TBC1D32: variants seen among roughly 807,000 people sequenced by gnomAD.
The protein encoded by TBC1D32 is TBC1 domain family member 32.
Under a neutral mutation model 170.3 loss-of-function variants are expected in TBC1D32, and 151 were observed. That is an observed-to-expected ratio of 0.89 (90% CI 0.78 to 1.01). The LOEUF is 1.01. Among genes scored for constraint, TBC1D32 ranks in the 50% least tolerant of loss-of-function variants. The probability of loss-of-function intolerance (pLI) is 0.00; values close to 1 mark genes in which losing one functional copy is unlikely to be tolerated. For synonymous variants in TBC1D32, 498 were observed against 488.0 expected (o/e 1.02, Z -0.27); for missense variants, 1,464 against 1,457.1 (o/e 1.00, Z -0.08).
intron 22 of TBC1D32, among the ~76,000 whole-genome samples, chr6:121,204,638 A>T (rs924176876): frequency 1.3e-5 from 2 of 151,422 alleles, no homozygotes; most frequent in Non-Finnish European, 2.9e-5. Flanking sequence ...AACTAGAAAG[A>T]TTTAAACTTC....
At chr6:121,293,660 C>T (rs1295791991) in intron 11 of TBC1D32, among the ~76,000 whole-genome samples, 1 of 152,016 alleles carries the variant, frequency 6.6e-6, no homozygotes, top group Non-Finnish European at 1.5e-5. Flanking sequence ...GCCTGTAATC[C>T]CAGTGCTTTG....
chr6:121,328,142 T>C (rs1440564537), intron 1 of TBC1D32, among the ~76,000 whole-genome samples: 1 of 152,198 alleles, frequency 6.6e-6, no homozygotes, highest in Non-Finnish European at 1.5e-5. Flanking sequence ...ATCGAGACTA[T>C]AATAGGAATA....
chr6:121,280,448 C>A (rs2128443781), intron 14 of TBC1D32, among the ~76,000 whole-genome samples: 1 of 151,750 alleles, frequency 6.6e-6, no homozygotes, highest in Non-Finnish European at 1.5e-5. Flanking sequence ...CCACTATGTG[C>A]CAGAGGGCTA....
At chr6:121,096,219 T>C (rs1777389304) in intron 30 of TBC1D32, 1 of 152,158 alleles carries the variant, frequency 6.6e-6, no homozygotes, top group Non-Finnish European at 1.5e-5. Flanking sequence ...TTTATTTGTG[T>C]AGAGGTGTTT....
intron 15 of TBC1D32, among the ~76,000 whole-genome samples, chr6:121,275,735 C>T (rs563714160): frequency 1.3e-5 from 2 of 152,182 alleles, no homozygotes; most frequent in Non-Finnish European, 1.5e-5. Context: ...GCCCTCTGAC[C>T]CAGCAATATC....
intron 22 of TBC1D32, among the ~76,000 whole-genome samples, chr6:121,161,876 T>A (rs1202345239): frequency 6.6e-6 from 1 of 152,250 alleles, no homozygotes; most frequent in Non-Finnish European, 1.5e-5. Flanking sequence ...ATAGCCATTC[T>A]GACTGGTGCG....
chr6:121,247,796 A>G (rs1275229904), intron 17 of TBC1D32, among the ~76,000 whole-genome samples: 4 of 151,770 alleles, frequency 2.6e-5, no homozygotes, highest in Non-Finnish European at 5.9e-5. Context: ...TGCACCTAAC[A>G]CTGGAGCTCC....
At chr6:121,279,622 T>A (rs1232770573) in intron 14 of TBC1D32, among the ~76,000 whole-genome samples, 1 of 151,926 alleles carries the variant, frequency 6.6e-6, no homozygotes, top group Admixed American at 6.6e-5. Flanking sequence ...ATATATGGTA[T>A]CTAACACACT....
Position 121,112,531 on chromosome 6 carries a change from GA to G in TBC1D32, c.3297del (p.Leu1100PhefsTer17). 6.2e-7 allele frequency: 1 copy of G among 1,608,146 alleles called. No individual in the cohort carries two copies. Among genetic ancestry groups the G allele is most frequent in the East Asian group, 2.2e-5 (1 of 44,588 alleles). ...GAAATATGTAGCCTTGGCAACCAAAGAAAAGCAGAAGTCAGAAGCCTGGAGA... is the reference window on the plus strand; with the variant it reads ...GAAATATGTAGCCTTGGCAACCAAAGAAAGCAGAAGTCAGAAGCCTGGAGA... ...HQFSRLLTSA[F>X]LWLPRLHISS... On this transcript the variant is annotated frameshift_variant, in exon 29 of 32. Transcript: ENST00000398212. LOFTEE classifies it high-confidence loss of function.
rs193141651 is a variant in TBC1D32, at chr6:121,144,592, G to A, written c.2774-12840C>T. 2.2e-4 allele frequency among the ~76,000 whole-genome samples: 34 copies of A among 152,142 alleles called. 1 individual carries two copies. Among genetic ancestry groups the A allele is most frequent in the South Asian group, 1.9e-3 (9 of 4,828 alleles). ...AATGCCAAAGGAACAAATTTTGGGGGAGTATTAAAAATTTATCTGAGACAT... is the reference window on the plus strand; with the variant it reads ...AATGCCAAAGGAACAAATTTTGGGGAAGTATTAAAAATTTATCTGAGACAT... On this transcript the variant is annotated intron_variant, in intron 24 of 31. Coordinates refer to ENST00000398212, the MANE Select transcript of TBC1D32 (RefSeq NM_152730.6).
chr6:121,249,391 CCT>C (rs1206020459), intron 17 of TBC1D32, among the ~76,000 whole-genome samples: 2 of 151,642 alleles, frequency 1.3e-5, no homozygotes, highest in Non-Finnish European at 2.9e-5. Flanking sequence ...AAGCATTCCC[CCT>C]GAGAGCTGAA....
intron 21 of TBC1D32, among the ~76,000 whole-genome samples, chr6:121,218,738 TATG>T (rs2128322579): frequency 6.6e-6 from 1 of 152,256 alleles, no homozygotes; most frequent in East Asian, 1.9e-4. Flanking sequence ...TAATACACCA[TATG>T]TCATGGAAGA....
At chr6:121,174,135 T>C (rs1024753906) in intron 22 of TBC1D32, among the ~76,000 whole-genome samples, 4 of 150,044 alleles carry the variant, frequency 2.7e-5, no homozygotes, top group East Asian at 3.9e-4. Context: ...AGGAATGAAA[T>C]AGAAGAATAA....
intron 31 of TBC1D32, among the ~76,000 whole-genome samples, chr6:121,084,022 A>G (rs945102313): frequency 1.1e-4 from 16 of 151,950 alleles, no homozygotes; most frequent in Admixed American, 1.1e-3. Context: ...ACTTGCCTTC[A>G]TTCCTATTTA....
chr6:121,333,666 A>C (rs1308763025), intron 1 of TBC1D32, among the ~76,000 whole-genome samples: 2 of 152,206 alleles, frequency 1.3e-5, no homozygotes, highest in African/African-American at 2.4e-5. Flanking sequence ...AAATCGTGGA[A>C]GTATTCTTTC....
chr6:121,132,819 T>TA (rs964477512), intron 24 of TBC1D32, among the ~76,000 whole-genome samples: 1 of 151,922 alleles, frequency 6.6e-6, no homozygotes, highest in Admixed American at 6.6e-5. Flanking sequence ...ATTTTATTTT[T>TA]AAAAAATCAA....
intron 22 of TBC1D32, among the ~76,000 whole-genome samples, chr6:121,198,400 CTTGCAAAT>C (rs892121244): frequency 1.3e-5 from 2 of 150,076 alleles, no homozygotes; most frequent in African/African-American, 2.5e-5. Context: ...CCACATAAAA[CTTGCAAAT>C]ATGCTCAGGA....
chr6:121,125,450 C>T (rs1300088415), intron 26 of TBC1D32, among the ~76,000 whole-genome samples: 6 of 151,928 alleles, frequency 3.9e-5, no homozygotes, highest in Non-Finnish European at 8.8e-5. Flanking sequence ...AGACTAGGCC[C>T]CTCGGTATCT....
At chr6:121,219,957 A>C (rs567601489) in intron 21 of TBC1D32, among the ~76,000 whole-genome samples, 3 of 152,200 alleles carry the variant, frequency 2.0e-5, no homozygotes, top group African/African-American at 7.2e-5. Flanking sequence ...CTGTATCCAG[A>C]TAAGACAACA....
Sources: allele counts gnomAD v4.1 joint callset (sites outside exome capture counted in the v4.1 genomes callset), GRCh38; gene constraint gnomAD v4.1.1; transcripts MANE v1.5; gene names NCBI Gene and HGNC (gene_info 2026-07-23, HGNC 2026-07-21).